SSR1: variants seen among roughly 807,000 people sequenced by gnomAD.
SSR1 encodes translocon-associated protein subunit alpha.
SSR1 carries 13 observed loss-of-function variants against 36.1 expected under a neutral mutation model. The ratio of observed to expected loss-of-function variants is 0.36; its 90% confidence interval spans 0.23 to 0.57. The LOEUF is 0.57. Among genes scored for constraint, SSR1 ranks in the 20% least tolerant of loss-of-function variants. The pLI is 0.81. For synonymous variants in SSR1, 113 were observed against 118.9 expected (o/e 0.95, Z 0.32); for missense variants, 291 against 338.5 (o/e 0.86, Z 1.10).
rs7768880 is a variant in SSR1 at position 7,293,360 on chromosome 6, C to T, written c.793+2032G>A. 3.3e-3 allele frequency among the ~76,000 whole-genome samples: 496 copies of T among 152,128 alleles called. 4 individuals are homozygous for T. The highest frequency in any genetic ancestry group is 0.011 in the African/African-American group (465 of 41,504). On this transcript the variant is annotated intron_variant, in intron 7 of 7. Transcript: ENST00000244763. Reference sequence around the variant, plus strand: ...CCCTCACCCCCCTCCTACCCTTCCCCGAGTCCCAAAAGTCCATTATATCAT... The same window carrying T: ...CCCTCACCCCCCTCCTACCCTTCCCTGAGTCCCAAAAGTCCATTATATCAT...
intron 2 of SSR1, among the ~76,000 whole-genome samples, chr6:7,308,155 C>T (rs1472661209): frequency 6.6e-6 from 1 of 152,126 alleles, no homozygotes; most frequent in Non-Finnish European, 1.5e-5. Context: ...TGTATACATA[C>T]ATATGAAAGG....
rs35763826 is a variant in SSR1 at position 7,303,138 on chromosome 6, T to TAAAAAAA, written c.280+405_280+411dup. Among the ~76,000 whole-genome samples the TAAAAAAA allele has an allele frequency of 1.6e-3, 68 of 42,918 alleles. 3 individuals carry two copies. The highest frequency in any genetic ancestry group is 4.4e-3 in the African/African-American group (40 of 9,076). 28.2% of individuals were successfully genotyped at this position (42,918 alleles called of 152,430 possible). On this transcript the variant is annotated intron_variant, in intron 3 of 7. Transcript: ENST00000244763. ...TGGGTGACAGAGCGAGACTACATCT[T>TAAAAAAA]AAAAAAAAAAAAAAAAAAAAAAAAA...
intron 7 of SSR1, among the ~76,000 whole-genome samples, chr6:7,290,198 G>A (rs1252547577): frequency 6.6e-6 from 1 of 152,202 alleles, no homozygotes; most frequent in African/African-American, 2.4e-5. Context: ...TACTGCTGAA[G>A]ACACCATGCA....
intron 2 of SSR1, among the ~76,000 whole-genome samples, chr6:7,306,894 G>A (rs1045108614): frequency 2.7e-5 from 4 of 147,120 alleles, no homozygotes; most frequent in Admixed American, 1.3e-4. Context: ...TCCAGCCTGG[G>A]CGACAGAGCG....
rs2113270507 is a variant in SSR1, at chr6:7,289,753, C to T, written c.*111G>A. The T allele has an allele frequency of 1.1e-6, 1 of 894,554 alleles. No homozygotes were observed. Among genetic ancestry groups the T allele is most frequent in the African/African-American group, 1.8e-5 (1 of 56,986 alleles). 55.4% of individuals were successfully genotyped at this position (894,554 alleles called of 1,614,324 possible). On this transcript the variant is annotated 3_prime_UTR_variant, in exon 8 of 8. Coordinates refer to ENST00000244763, the MANE Select transcript of SSR1 (RefSeq NM_003144.5). Reference sequence around the variant, plus strand: ...AGACTCTGATTGCTCAGTCCACACACAAGTAGGAGTTGCCTTCTATGGTGA... The same window carrying T: ...AGACTCTGATTGCTCAGTCCACACATAAGTAGGAGTTGCCTTCTATGGTGA...
At chr6:7,301,140 A>T (rs543105108) in intron 4 of SSR1, among the ~76,000 whole-genome samples, 170 bp downstream of exon 4, 20 of 152,052 alleles carry the variant, frequency 1.3e-4, no homozygotes, top group African/African-American at 4.1e-4. Flanking sequence ...TGCCTCCCCC[A>T]CTGGATTAGA....
intron 3 of SSR1, among the ~76,000 whole-genome samples, chr6:7,303,139 A>T (rs912619728): frequency 9.5e-4 from 17 of 17,950 alleles, no homozygotes; most frequent in East Asian, 1.8e-3. Flanking sequence ...ACTACATCTT[A>T]AAAAAAAAAA....
Position 7,285,797 on chromosome 6 carries a change from T to G in SSR1, c.*4067A>C, listed in dbSNP as rs1757540284. 6.6e-6 allele frequency: 1 copy of G among 152,206 alleles called. No individual in the cohort carries two copies. The highest frequency in any genetic ancestry group is 1.5e-5 in the Non-Finnish European group (1 of 68,032). 9.4% of individuals were successfully genotyped at this position (152,206 alleles called of 1,614,324 possible). ...AGATACTTCACTCTTACCTTTAACG[T>G]GAAGATTTATCTTTCAATCCTTTAG... On this transcript the variant is annotated 3_prime_UTR_variant, in exon 8 of 8. Transcript: ENST00000244763. The surrounding 1 kb of genome is among the most constrained non-coding windows in gnomAD (Gnocchi z 4.1).
chr6:7,298,597 T>C, intron 5 of SSR1, 150 bp downstream of exon 5: 1 of 594,188 alleles, frequency 1.7e-6, no homozygotes, highest in Non-Finnish European at 3.0e-6. Flanking sequence ...ATAAGAATCA[T>C]CTGAAGTATG....
In SSR1 at chr6:7,281,675, T is replaced by C. The variant is rs142304041; in HGVS notation, c.*8189A>G. 2 of 152,336 alleles carry C rather than the reference T, an allele frequency of 1.3e-5. No individual in the cohort carries two copies. Among genetic ancestry groups the C allele is most frequent in the African/African-American group, 4.8e-5 (2 of 41,586 alleles). 9.4% of individuals were successfully genotyped at this position (152,336 alleles called of 1,614,324 possible). A position where few individuals can be genotyped will look rare whatever the true frequency, so the allele number is the denominator to read the frequency against. On this transcript the variant is annotated 3_prime_UTR_variant, in exon 8 of 8. Coordinates refer to ENST00000244763, the MANE Select transcript of SSR1 (RefSeq NM_003144.5). ...CCAAAACTGGAAGTCACTTATTAAA[T>C]ACCTGTGTACAAAACACCATACTTG...
Position 7,285,982 on chromosome 6 carries a change from A to C in SSR1, c.*3882T>G, listed in dbSNP as rs753839557. 7.2e-5 allele frequency: 11 copies of C among 152,240 alleles called. No individual in the cohort carries two copies. The highest frequency in any genetic ancestry group is 1.3e-4 in the Non-Finnish European group (9 of 68,036). The allele number at this position is 152,240 out of a possible 1,614,324, so 9.4% of individuals were successfully genotyped here. On this transcript the variant is annotated 3_prime_UTR_variant, in exon 8 of 8. Coordinates refer to ENST00000244763, the MANE Select transcript of SSR1 (RefSeq NM_003144.5). The surrounding 1 kb of genome is among the most constrained non-coding windows in gnomAD (Gnocchi z 4.1). ...TACAGCAAGTATATATGGTATATTC[A>C]TTACTGAGATGATTTGAACTTTCCA... is the stretch of plus-strand genomic sequence containing the variant.
chr6:7,310,983 G>A (rs1486036758), intron 1 of SSR1, among the ~76,000 whole-genome samples: 1 of 152,204 alleles, frequency 6.6e-6, no homozygotes, highest in African/African-American at 2.4e-5. Context: ...GTTATCAGAG[G>A]TGACTACAGC....
At chr6:7,312,261 ATAAATC>A (rs759408045) in intron 1 of SSR1, among the ~76,000 whole-genome samples, 77 of 152,258 alleles carry the variant, frequency 5.1e-4, no homozygotes, top group Non-Finnish European at 7.3e-4. Context: ...TGTTGAAAGA[ATAAATC>A]TATGTATTAA....
In SSR1 at chr6:7,287,964, G is replaced by A. The variant is rs1335580604; in HGVS notation, c.*1900C>T. 1 of 152,108 alleles carries A rather than the reference G, an allele frequency of 6.6e-6. No homozygotes were observed. 9.4% of individuals were successfully genotyped at this position (152,108 alleles called of 1,614,324 possible). On this transcript the variant is annotated 3_prime_UTR_variant, in exon 8 of 8. Coordinates refer to ENST00000244763, the MANE Select transcript of SSR1 (RefSeq NM_003144.5). ...GACAAATAATAAATTCTACATTTCC[G>A]AGGCACTAATTTGAACTTCAGAAGT... is the stretch of plus-strand genomic sequence containing the variant.
At position 7,289,763 on chromosome 6, in the gene SSR1, T is replaced by G; in HGVS notation, c.*101A>C. The G allele has an allele frequency of 9.9e-7, 1 of 1,011,152 alleles. No individual in the cohort carries two copies. The highest frequency in any genetic ancestry group is 2.9e-5 in the Admixed American group (1 of 34,038). The allele number at this position is 1,011,152 out of a possible 1,614,324, so 62.6% of individuals were successfully genotyped here. A position where few individuals can be genotyped will look rare whatever the true frequency, so the allele number is the denominator to read the frequency against. ...TGCTCAGTCCACACACAAGTAGGAGTTGCCTTCTATGGTGACATGGCTTCT... is the reference window on the plus strand; with the variant it reads ...TGCTCAGTCCACACACAAGTAGGAGGTGCCTTCTATGGTGACATGGCTTCT... On this transcript the variant is annotated 3_prime_UTR_variant, in exon 8 of 8. Transcript: ENST00000244763.
intron 2 of SSR1, 99 bp from the exon 3 acceptor site, chr6:7,303,736 A>C: frequency 1.2e-6 from 1 of 862,520 alleles, no homozygotes; most frequent in Non-Finnish European, 1.8e-6. Flanking sequence ...CACACTTATA[A>C]TCTCAGCACT....
rs1385711291 is a variant in SSR1, at chr6:7,289,906, G to A, written c.819C>T (p.Pro273=). 2 of 1,538,162 alleles carry A rather than the reference G, an allele frequency of 1.3e-6. No homozygotes were observed. Among genetic ancestry groups the A allele is most frequent in the South Asian group, 1.3e-5 (1 of 76,370 alleles). The change falls in exon 8 of 8, where the codon CCC becomes CCT. Residue 273 remains proline (P), a synonymous_variant. Transcript: ENST00000244763. ...CTGATCTCTTCTGTGCCCGTTTCCT[G>A]GGCAACCTTCTTGGTGAAGCTTTAT... The part of the protein sequence containing the change: ...QINKASPRRL[P]RKRAQKRSVG...
At position 7,288,307 on chromosome 6, in the gene SSR1, G is replaced by A. The variant is rs577264831; in HGVS notation, c.*1557C>T. On this transcript the variant is annotated 3_prime_UTR_variant, in exon 8 of 8. Coordinates refer to ENST00000244763, the MANE Select transcript of SSR1 (RefSeq NM_003144.5). ...TCAAAATCAACTACTGATCATAACA[G>A]CCCAATTAAAAACTCAAACACTTTA... 10 of 152,222 alleles carry A rather than the reference G, an allele frequency of 6.6e-5. No homozygotes were observed. The South Asian group carries it at 2.1e-3, about 32-fold the overall frequency. The allele number at this position is 152,222 out of a possible 1,614,324, so 9.4% of individuals were successfully genotyped here.
At chr6:7,301,846 A>C (rs2113289706) in intron 3 of SSR1, among the ~76,000 whole-genome samples, 1 of 152,068 alleles carries the variant, frequency 6.6e-6, no homozygotes, top group Admixed American at 6.6e-5. Flanking sequence ...GTGGTAAAAA[A>C]GAGTTGCGTA....
Sources: gnomAD v4.1 joint callset for allele counts (sites outside exome capture counted in the v4.1 genomes callset) on GRCh38, gnomAD v4.1.1 for gene constraint, Gnocchi (gnomAD v3.1) non-coding constraint, MANE v1.5 for transcripts, NCBI Gene and HGNC (gene_info 2026-07-23, HGNC 2026-07-21) for gene names.